SORCS2: variants seen among roughly 807,000 people sequenced by gnomAD.
SORCS2 encodes VPS10 domain-containing receptor SorCS2.
A neutral mutation model predicts 141.6 loss-of-function variants in SORCS2; 100 were observed. The observed-to-expected ratio is 0.71, with a 90% CI of 0.60 to 0.83. SORCS2 has a LOEUF of 0.83. SORCS2 is among the 40% of genes least tolerant of loss of function. The probability of loss-of-function intolerance (pLI) is 0.00; values close to 1 mark genes in which losing one functional copy is unlikely to be tolerated. For missense variants in SORCS2, 1,646 were observed against 1,560.2 expected (o/e 1.05, Z -0.93); for synonymous variants, 789 against 676.9 (o/e 1.17, Z -2.57).
chr4:7,598,122 C>A (rs757499880), intron 3 of SORCS2, among the ~76,000 whole-genome samples: 1 of 152,112 alleles, frequency 6.6e-6, no homozygotes, highest in Non-Finnish European at 1.5e-5. Flanking sequence ...GCGTAAGCCA[C>A]CCTGCCCGGC....
At chr4:7,531,698 A>C in intron 3 of SORCS2, 69 bp downstream of exon 3, 1 of 1,470,352 alleles carries the variant, frequency 6.8e-7, no homozygotes, top group Non-Finnish European at 9.4e-7. Flanking sequence ...CAGAGCAAGG[A>C]AGCTGCTGCC....
chr4:7,551,623 T>C (rs1297268213), intron 3 of SORCS2, among the ~76,000 whole-genome samples: 2 of 152,148 alleles, frequency 1.3e-5, no homozygotes, highest in African/African-American at 4.8e-5. Flanking sequence ...CTGTGATGGT[T>C]TCTTACTCTA....
chr4:7,595,256 A>G (rs1717186386), intron 3 of SORCS2, among the ~76,000 whole-genome samples: 1 of 152,186 alleles, frequency 6.6e-6, no homozygotes. Context: ...ATGGGGTGAA[A>G]GCTGCCACAT....
At chr4:7,378,687 C>T (rs1250408255) in intron 1 of SORCS2, among the ~76,000 whole-genome samples, 5 of 152,150 alleles carry the variant, frequency 3.3e-5, no homozygotes, top group African/African-American at 1.2e-4. Context: ...ATAGCAGGTT[C>T]CTCCCCCCCA....
intron 1 of SORCS2, among the ~76,000 whole-genome samples, chr4:7,280,781 G>A (rs1232936452): frequency 3.3e-5 from 5 of 152,202 alleles, no homozygotes; most frequent in Admixed American, 1.3e-4. Context: ...TGCATACGAT[G>A]ATTGTAGCAA....
At position 7,639,615 on chromosome 4, in the gene SORCS2, G is replaced by C. The variant is rs139704093; in HGVS notation, c.813+1123G>C. Among the ~76,000 whole-genome samples, 18 of 151,718 alleles carry C rather than the reference G, an allele frequency of 1.2e-4. 1 individual carries two copies. The highest frequency in any genetic ancestry group is 4.4e-4 in the African/African-American group (18 of 41,332). ...AGTGTGGGTGTGAGTGTATATGTGC[G>C]TGTGAATGTGTGGGTGTGTGGGAGT... On this transcript the variant is annotated intron_variant, in intron 4 of 26. Transcript: ENST00000507866.
At chr4:7,692,354 G>A (rs1353307869) in intron 11 of SORCS2, among the ~76,000 whole-genome samples, 1 of 152,226 alleles carries the variant, frequency 6.6e-6, no homozygotes, top group African/African-American at 2.4e-5. Flanking sequence ...AGGCAGACAA[G>A]AGGGAAAAGC....
chr4:7,406,362 C>A (rs199765544), intron 2 of SORCS2, among the ~76,000 whole-genome samples: 4,497 of 90,780 alleles, frequency 0.05, 122 homozygotes, highest in East Asian at 0.22. Flanking sequence ...ACCATTGGAT[C>A]CTAGGCTTTT....
At chr4:7,510,801 C>G (rs557616472) in intron 2 of SORCS2, among the ~76,000 whole-genome samples, 2 of 152,250 alleles carry the variant, frequency 1.3e-5, no homozygotes, top group Admixed American at 6.5e-5. Context: ...CTCTGCTCAA[C>G]GTCAGAGTGG....
chr4:7,407,815 C>T (rs149708422), intron 2 of SORCS2, among the ~76,000 whole-genome samples: 2 of 151,896 alleles, frequency 1.3e-5, no homozygotes, highest in Non-Finnish European at 2.9e-5. Flanking sequence ...TGTTTAAATC[C>T]ATTGATACTT....
intron 2 of SORCS2, among the ~76,000 whole-genome samples, chr4:7,518,210 T>C (rs1733107116): frequency 6.6e-6 from 1 of 152,234 alleles, no homozygotes; most frequent in African/African-American, 2.4e-5. Flanking sequence ...CATTAGCGTA[T>C]CAGGAAGGGC....
chr4:7,742,825 A>G lies in SORCS2; in HGVS notation c.*2561A>G, dbSNP rs1022184373. On this transcript the variant is annotated 3_prime_UTR_variant, in exon 27 of 27. Transcript: ENST00000507866. ...TAACAAAGATTAAATGAATTTGATC[A>G]GCTTTTGCCTTATTGTGAAGATACT... 13 of 152,738 alleles carry G rather than the reference A, an allele frequency of 8.5e-5. No homozygotes were observed. Among genetic ancestry groups the G allele is most frequent in the African/African-American group, 3.1e-4 (13 of 41,600 alleles). The allele number at this position is 152,738 out of a possible 1,614,324, so 9.5% of individuals were successfully genotyped here.
rs561004216 is a variant in SORCS2, at chr4:7,368,929, A to G, written c.481-27359A>G. ...TTTTAAAAACTGGAGTTTCCCTTGC[A>G]CGTGCTCTTCTCTGTGTGCATCATG... is the stretch of plus-strand genomic sequence containing the variant. On this transcript the variant is annotated intron_variant, in intron 1 of 26. Coordinates refer to ENST00000507866, the MANE Select transcript of SORCS2 (RefSeq NM_020777.3). 3.9e-4 allele frequency among the ~76,000 whole-genome samples: 59 copies of G among 152,208 alleles called. 1 individual carries two copies. Among genetic ancestry groups the G allele is most frequent in the African/African-American group, 1.3e-3 (54 of 41,524 alleles).
intron 3 of SORCS2, among the ~76,000 whole-genome samples, chr4:7,547,677 G>T (rs573992341): frequency 2.0e-5 from 3 of 152,138 alleles, no homozygotes; most frequent in African/African-American, 7.2e-5. Context: ...CCCCAGATCA[G>T]CTCAGGACCC....
intron 2 of SORCS2, among the ~76,000 whole-genome samples, chr4:7,490,311 G>A (rs934233514): frequency 6.6e-6 from 1 of 152,150 alleles, no homozygotes; most frequent in Non-Finnish European, 1.5e-5. Context: ...ACAGTGCGGG[G>A]TCCCAGCCTG....
chr4:7,493,505 G>A (rs1189927073), intron 2 of SORCS2, among the ~76,000 whole-genome samples: 2 of 152,222 alleles, frequency 1.3e-5, no homozygotes, highest in Non-Finnish European at 2.9e-5. Flanking sequence ...CTGAGTCGCA[G>A]TGTTGGATCT....
At chr4:7,327,123 G>A (rs570964523) in intron 1 of SORCS2, among the ~76,000 whole-genome samples, 2 of 152,356 alleles carry the variant, frequency 1.3e-5, no homozygotes, top group East Asian at 3.9e-4. Context: ...TGCTGGATGA[G>A]CCTCCTGCAG....
At chr4:7,676,351 C>G in intron 9 of SORCS2, 122 bp downstream of exon 9, 1 of 1,077,046 alleles carries the variant, frequency 9.3e-7, no homozygotes, top group Non-Finnish European at 1.3e-6. Context: ...AGGGTCTGCA[C>G]ACATCTTCTG....
chr4:7,229,570 T>C (rs1409701201), intron 1 of SORCS2, among the ~76,000 whole-genome samples: 1 of 152,184 alleles, frequency 6.6e-6, no homozygotes, highest in Non-Finnish European at 1.5e-5. Flanking sequence ...CTGGAATCCC[T>C]CCTGTCATGA....
Sources: allele counts gnomAD v4.1 joint callset (sites outside exome capture counted in the v4.1 genomes callset), GRCh38; gene constraint gnomAD v4.1.1; transcripts MANE v1.5; gene names NCBI Gene and HGNC (gene_info 2026-07-23, HGNC 2026-07-21).